TM2D1: variants seen among roughly 807,000 people sequenced by gnomAD.
The protein encoded by TM2D1 is TM2 domain-containing protein 1.
In TM2D1, 15 loss-of-function variants were observed where a neutral mutation model predicts 28.4. The observed-to-expected ratio is 0.53, with a 90% confidence interval of 0.35 to 0.81. TM2D1 has a LOEUF of 0.81. TM2D1 is among the 40% of genes least tolerant of loss of function. TM2D1 has a pLI of 0.01. For synonymous variants in TM2D1, 93 were observed against 96.2 expected, an observed-to-expected ratio of 0.97 and a Z score of 0.20; for missense variants, 236 against 254.9, an observed-to-expected ratio of 0.93 and a Z score of 0.50.
chr1:61,703,878 T>A (rs566567459), intron 3 of TM2D1, among the ~76,000 whole-genome samples: 9 of 151,568 alleles, frequency 5.9e-5, no homozygotes, highest in African/African-American at 2.2e-4. Flanking sequence ...TGCCTCAGCT[T>A]CCTGAGTAGC....
intron 1 of TM2D1, chr1:61,724,445 CAGAA>C (rs1644590366): frequency 6.6e-6 from 1 of 152,374 alleles, no homozygotes; most frequent in Non-Finnish European, 1.5e-5. Flanking sequence ...AAAAAGAAAA[CAGAA>C]AGAAATTTGT....
At chr1:61,723,669 T>C (rs1407344046) in intron 2 of TM2D1, 44 bp downstream of exon 2, 2 of 1,080,376 alleles carry the variant, frequency 1.9e-6, no homozygotes, top group South Asian at 1.7e-5. Context: ...TATGAAATAA[T>C]GTTTTTAAAA....
chr1:61,719,484 T>C (rs1244720495), intron 2 of TM2D1, among the ~76,000 whole-genome samples: 1 of 151,914 alleles, frequency 6.6e-6, no homozygotes, highest in Non-Finnish European at 1.5e-5. Context: ...TGGAGTTTTG[T>C]GGGTTTTTTT....
chr1:61,693,514 A>C lies in TM2D1; in HGVS notation c.513+1183T>G, dbSNP rs947023167. 3.9e-5 allele frequency among the ~76,000 whole-genome samples: 6 copies of C among 152,196 alleles called. No individual in the cohort carries two copies. In the East Asian group the frequency reaches 1.2e-3, roughly 29 times the overall value. On this transcript the variant is annotated intron_variant, in intron 5 of 6. Coordinates refer to ENST00000606498, the MANE Select transcript of TM2D1 (RefSeq NM_032027.3). The stretch of plus-strand genomic sequence containing the variant: ...CTAAGCATATGTGCACAAGTACCTT[A>C]GCCTCTTCATGCCTGCTTGCCTGTC...
chr1:61,724,790 C>T, intron 1 of TM2D1, 167 bp downstream of exon 1: 1 of 707,524 alleles, frequency 1.4e-6, no homozygotes, highest in Non-Finnish European at 2.1e-6. Context: ...CTGGCCCTCC[C>T]ATCTCCACAA....
At chr1:61,686,490 C>T (rs1282384499) in intron 5 of TM2D1, among the ~76,000 whole-genome samples, 4 of 150,438 alleles carry the variant, frequency 2.7e-5, no homozygotes, top group African/African-American at 9.8e-5. Flanking sequence ...AACCCAGTAT[C>T]TACAAAAAAA....
chr1:61,705,587 G>GT (rs1189533573), intron 3 of TM2D1, among the ~76,000 whole-genome samples: 1 of 152,176 alleles, frequency 6.6e-6, no homozygotes, highest in Non-Finnish European at 1.5e-5. Context: ...GAAGGAAGAT[G>GT]TAAGTGTACA....
chr1:61,716,543 T>TTATATATG (rs1477700004), intron 2 of TM2D1, among the ~76,000 whole-genome samples: 1 of 144,446 alleles, frequency 6.9e-6, no homozygotes, highest in African/African-American at 2.5e-5. Context: ...GTGTATAATT[T>TTATATATG]TATATATGTA....
intron 5 of TM2D1, among the ~76,000 whole-genome samples, chr1:61,684,224 T>A (rs1014064728): frequency 8.5e-5 from 13 of 152,178 alleles, no homozygotes; most frequent in African/African-American, 3.1e-4. Flanking sequence ...AAGGTAGCAA[T>A]CTTCAAACTG....
intron 2 of TM2D1, among the ~76,000 whole-genome samples, chr1:61,709,999 A>G (rs553176457): frequency 3.3e-5 from 5 of 152,338 alleles, no homozygotes; most frequent in African/African-American, 9.6e-5. Context: ...ACCAGATGAC[A>G]TAAGAAGAAG....
intron 3 of TM2D1, among the ~76,000 whole-genome samples, chr1:61,705,255 C>T (rs1644432369): frequency 6.6e-6 from 1 of 152,138 alleles, no homozygotes; most frequent in Non-Finnish European, 1.5e-5. Context: ...ATCTTGATCT[C>T]GGCTCACTGA....
At chr1:61,686,697 T>A in intron 5 of TM2D1, 1 of 614,266 alleles carries the variant, frequency 1.6e-6, no homozygotes, top group Non-Finnish European at 2.0e-6. Context: ...AAAACCTGTT[T>A]TAAGCACCCA....
At chr1:61,697,403 C>T (rs1373006051) in intron 4 of TM2D1, 1 of 151,924 alleles carries the variant, frequency 6.6e-6, no homozygotes, top group African/African-American at 2.4e-5. Flanking sequence ...AAGGGTCTCA[C>T]TGTGTTGCCC....
chr1:61,683,091 G>C (rs1279114909), intron 6 of TM2D1, among the ~76,000 whole-genome samples: 1 of 152,026 alleles, frequency 6.6e-6, no homozygotes, highest in Non-Finnish European at 1.5e-5. Context: ...GGGATGGGCA[G>C]CAGAAATATC....
intron 2 of TM2D1, among the ~76,000 whole-genome samples, chr1:61,714,408 G>C (rs1355457668): frequency 1.3e-5 from 2 of 151,936 alleles, no homozygotes; most frequent in Non-Finnish European, 2.9e-5. Context: ...GGGCATGCTG[G>C]CCTGTGCCAG....
intron 4 of TM2D1, among the ~76,000 whole-genome samples, chr1:61,695,172 A>C (rs1231743588): frequency 6.6e-6 from 1 of 151,974 alleles, no homozygotes; most frequent in Non-Finnish European, 1.5e-5. Flanking sequence ...ATACATTTGG[A>C]GAGTTAAAAT....
chr1:61,707,883 A>C (rs1021492171), intron 3 of TM2D1, among the ~76,000 whole-genome samples: 2 of 152,174 alleles, frequency 1.3e-5, no homozygotes, highest in African/African-American at 4.8e-5. Flanking sequence ...TTCTTGAAAC[A>C]ACCAAAACTA....
At chr1:61,709,243 C>A in intron 3 of TM2D1, 86 bp downstream of exon 3, 2 of 786,526 alleles carry the variant, frequency 2.5e-6, no homozygotes, top group East Asian at 2.6e-5. Flanking sequence ...TCAGGATAGT[C>A]CCCATAAATT....
At chr1:61,724,885 T>C in intron 1 of TM2D1, 72 bp downstream of exon 1, 1 of 1,483,026 alleles carries the variant, frequency 6.7e-7, no homozygotes, top group Non-Finnish European at 9.1e-7. Flanking sequence ...TAGCCAGTCC[T>C]GACGGCAGCG....
Sources: allele counts gnomAD v4.1 joint callset (sites outside exome capture counted in the v4.1 genomes callset), GRCh38; gene constraint gnomAD v4.1.1; transcripts MANE v1.5; gene names NCBI Gene and HGNC (gene_info 2026-07-23, HGNC 2026-07-21).